Variants in RORA observed in about 807,000 individuals in gnomAD.
The protein encoded by RORA is RAR related orphan receptor A.
In RORA, 7 loss-of-function variants were observed where a neutral mutation model predicts 69.5. That is an observed-to-expected ratio of 0.10 (90% CI 0.06 to 0.19). RORA has a LOEUF of 0.19. RORA is among the 10% of genes least tolerant of loss of function. The pLI, the probability that RORA is intolerant of heterozygous loss-of-function variation, is 1.00. For synonymous variants in RORA, 261 were observed against 240.8 expected (o/e 1.08, Z -0.78); for missense variants, 457 against 663.0 (o/e 0.69, Z 3.41).
chr15:61,203,352 G>T (rs2079911982), intron 1 of RORA, among the ~76,000 whole-genome samples: 1 of 152,178 alleles, frequency 6.6e-6, no homozygotes, highest in Non-Finnish European at 1.5e-5. Flanking sequence ...GGGCTTTCAG[G>T]GGAGCTAGAA....
chr15:60,795,415 T>G (rs2072481015), intron 1 of RORA, among the ~76,000 whole-genome samples: 1 of 152,206 alleles, frequency 6.6e-6, no homozygotes, highest in South Asian at 2.1e-4. Context: ...CTCTAAACTG[T>G]GTTGGAAAGG....
chr15:60,664,770 A>C, intron 2 of RORA, among the ~76,000 whole-genome samples: 1 of 152,358 alleles, frequency 6.6e-6, no homozygotes, highest in Non-Finnish European at 1.5e-5. Context: ...AAATAAATTA[A>C]AATTAAAATA....
At position 61,079,107 on chromosome 15, in the gene RORA, T is replaced by C. The variant is rs115168360; in HGVS notation, c.166+149946A>G. ...CCCTTACTAACCAATTACAGACTTA[T>C]TACCATCCTCCTCCTAATTTCCCAA... On this transcript the variant is annotated intron_variant, in intron 1 of 10. Transcript: ENST00000335670. Among the ~76,000 whole-genome samples the C allele has an allele frequency of 2.8e-3, 425 of 152,108 alleles. 2 individuals carry two copies. Among genetic ancestry groups the C allele is most frequent in the African/African-American group, 9.9e-3 (412 of 41,496 alleles).
In RORA at chr15:61,011,568, A is replaced by G. The variant is rs78568953; in HGVS notation, c.166+217485T>C. On this transcript the variant is annotated intron_variant, in intron 1 of 10. Transcript: ENST00000335670. ...TTCCTTTGATTTTCTCAAGGGAGAT[A>G]TTGGCAAAATACTCTCATGGAAAGC... 1.1e-3 allele frequency among the ~76,000 whole-genome samples: 175 copies of G among 152,278 alleles called. 1 individual carries two copies. In the East Asian group the frequency reaches 0.032, roughly 28 times the overall value.
chr15:61,053,864 A>ATATATATATATATAT (rs2078052193), intron 1 of RORA, among the ~76,000 whole-genome samples: 1 of 18,850 alleles, frequency 5.3e-5, no homozygotes, highest in East Asian at 2.6e-3. Context: ...TATATATATA[A>ATATATATATATATAT]ACATTCTTCA....
chr15:61,201,769 A>T (rs1174459109), intron 1 of RORA, among the ~76,000 whole-genome samples: 1 of 152,220 alleles, frequency 6.6e-6, no homozygotes, highest in Non-Finnish European at 1.5e-5. Flanking sequence ...AGATTAATTT[A>T]ACTCAAAATA....
At position 60,511,428 on chromosome 15, in the gene RORA, C is replaced by G. The variant is rs775733021; in HGVS notation, c.618G>C (p.Gly206=). Residue 206 remains glycine, a synonymous_variant, in exon 5 of 11, where the codon GGG becomes GGC. Coordinates refer to ENST00000335670, the MANE Select transcript of RORA (RefSeq NM_134261.3). The surrounding 1 kb of genome is among the most constrained non-coding windows in gnomAD (Gnocchi z 6.4). Reference sequence around the variant, plus strand: ...CTGCCTTACTCCCCTCAGGGGTGTGCCCGTCAATGTAGTTACTGAGGTCGT... The same window carrying G: ...CTGCCTTACTCCCCTCAGGGGTGTGGCCGTCAATGTAGTTACTGAGGTCGT... ...LHDDLSNYID[G]HTPEGSKADS... The G allele has an allele frequency of 3.1e-6, 5 of 1,614,138 alleles. No individual in the cohort carries two copies. In the South Asian group the frequency reaches 5.5e-5, roughly 18 times the overall value.
intron 1 of RORA, among the ~76,000 whole-genome samples, chr15:60,913,520 G>A (rs1891789112): frequency 6.6e-6 from 1 of 152,196 alleles, no homozygotes; most frequent in South Asian, 2.1e-4. Flanking sequence ...CCACGTGACA[G>A]GCTGTGCTGT....
intron 1 of RORA, among the ~76,000 whole-genome samples, chr15:60,767,044 T>C (rs1166596674): frequency 6.6e-6 from 1 of 152,208 alleles, no homozygotes; most frequent in Non-Finnish European, 1.5e-5. Context: ...GCCTACACTG[T>C]GTTTTAAATT....
rs1192271445 is a variant in RORA at position 60,684,985 on chromosome 15, G to C, written c.167-6299C>G. ...CATAAAATGGGAATAAAATTCTTAG[G>C]ACTAGGTTTATAGTAAAATGTAAGA... is the stretch of plus-strand genomic sequence containing the variant. On this transcript the variant is annotated intron_variant, in intron 1 of 10. Coordinates refer to ENST00000335670, the MANE Select transcript of RORA (RefSeq NM_134261.3). 2.0e-5 allele frequency among the ~76,000 whole-genome samples: 3 copies of C among 152,154 alleles called. No homozygotes were observed. The East Asian group carries it at 5.8e-4, about 29-fold the overall frequency.
chr15:61,042,310 A>C (rs560772062), intron 1 of RORA, among the ~76,000 whole-genome samples: 103 of 152,312 alleles, frequency 6.8e-4, no homozygotes, highest in African/African-American at 2.3e-3. Context: ...TTATCCAGGG[A>C]CAACAGTGGT....
intron 1 of RORA, among the ~76,000 whole-genome samples, chr15:61,114,695 G>A (rs1040856783): frequency 6.6e-6 from 1 of 152,134 alleles, no homozygotes; most frequent in Admixed American, 6.5e-5. Context: ...GATGAAATTG[G>A]TTATATAATT....
chr15:61,170,085 T>TC (rs923908175), intron 1 of RORA, among the ~76,000 whole-genome samples: 1 of 152,202 alleles, frequency 6.6e-6, no homozygotes, highest in Non-Finnish European at 1.5e-5. Flanking sequence ...GCCTTGCTGA[T>TC]CCCCAGTTTC....
intron 1 of RORA, among the ~76,000 whole-genome samples, chr15:60,864,042 T>A (rs1354195382): frequency 6.6e-6 from 1 of 152,188 alleles, no homozygotes; most frequent in African/African-American, 2.4e-5. Flanking sequence ...CCTGACCTCG[T>A]GATCCGCCTG....
chr15:61,021,284 C>T (rs1287576075), intron 1 of RORA, among the ~76,000 whole-genome samples: 1 of 152,220 alleles, frequency 6.6e-6, no homozygotes, highest in Non-Finnish European at 1.5e-5. Flanking sequence ...ACTAGAAAGG[C>T]AGAGGCTCCG....
intron 1 of RORA, among the ~76,000 whole-genome samples, chr15:60,776,640 G>A (rs1339853863): frequency 6.6e-6 from 1 of 152,190 alleles, no homozygotes; most frequent in Non-Finnish European, 1.5e-5. Flanking sequence ...TTGAGCCGTG[G>A]CTGTAAAAGG....
chr15:60,502,779 G>A lies in RORA; in HGVS notation c.1164C>T (p.Pro388=), dbSNP rs749387650. 12 of 1,612,656 alleles carry A rather than the reference G, an allele frequency of 7.4e-6. No homozygotes were observed. Among genetic ancestry groups the A allele is most frequent in the African/African-American group, 5.3e-5 (4 of 74,872 alleles). Residue 388 remains proline (P), a synonymous_variant, in exon 8 of 11, where the codon CCC becomes CCT. Transcript: ENST00000335670. The part of the protein sequence containing the change: ...TVYFDGKYAS[P]DVFKSLGCED... ...CCTTACCTAAGGATTTGAAGACGTC[G>A]GGGCTGGCATACTTCCCATCAAAGT...
intron 2 of RORA, among the ~76,000 whole-genome samples, chr15:60,658,108 T>G (rs2070250277): frequency 6.7e-6 from 1 of 150,286 alleles, no homozygotes; most frequent in Non-Finnish European, 1.5e-5. Context: ...GGAGATGGAG[T>G]CTTGCTCTGT....
chr15:61,091,100 A>G (rs1252936624), intron 1 of RORA, among the ~76,000 whole-genome samples: 1 of 152,160 alleles, frequency 6.6e-6, no homozygotes, highest in Admixed American at 6.5e-5. Flanking sequence ...ACATCTAACT[A>G]TCTCACTCAT....
Sources: allele counts gnomAD v4.1 joint callset (sites outside exome capture counted in the v4.1 genomes callset), GRCh38; gene constraint gnomAD v4.1.1; non-coding constraint Gnocchi (gnomAD v3.1); transcripts MANE v1.5; gene names NCBI Gene and HGNC (gene_info 2026-07-23, HGNC 2026-07-21).